Variants in LINGO2 observed in about 807,000 individuals in gnomAD.
LINGO2 encodes leucine rich repeat and Ig domain containing 2, also known as leucine-rich repeat and immunoglobulin-like domain-containing nogo receptor-interacting protein 2.
In LINGO2, 14 loss-of-function variants were observed where a neutral mutation model predicts 30.6. That is an observed-to-expected ratio of 0.46 (90% CI 0.30 to 0.72). The LOEUF is 0.72. Among genes scored for constraint, LINGO2 ranks in the 30% least tolerant of loss-of-function variants. LINGO2 has a pLI of 0.07. For synonymous variants in LINGO2, 317 were observed against 288.5 expected, an observed-to-expected ratio of 1.10 and a Z score of -1.00; for missense variants, 729 against 751.7, an observed-to-expected ratio of 0.97 and a Z score of 0.35.
intron 3 of LINGO2, among the ~76,000 whole-genome samples, chr9:28,330,283 C>A (rs996768914): frequency 6.6e-6 from 1 of 152,118 alleles, no homozygotes; most frequent in Non-Finnish European, 1.5e-5. Context: ...AAATAAATTT[C>A]TGTTGTTTAA....
At chr9:28,639,622 A>G (rs1365771904) in intron 1 of LINGO2, among the ~76,000 whole-genome samples, 1 of 152,048 alleles carries the variant, frequency 6.6e-6, no homozygotes, top group Non-Finnish European at 1.5e-5. Context: ...AGTCTGTTTT[A>G]TCAGAGACTA....
intron 4 of LINGO2, among the ~76,000 whole-genome samples, chr9:28,256,551 A>T (rs1822390094): frequency 6.6e-6 from 1 of 152,006 alleles, no homozygotes; most frequent in South Asian, 2.1e-4. Flanking sequence ...GTGCCATGAA[A>T]AAAATGAAGA....
chr9:29,165,575 C>T, the LINGO2 span, among the ~76,000 whole-genome samples: 4 of 151,802 alleles, frequency 2.6e-5, no homozygotes, highest in Non-Finnish European at 5.9e-5. Context: ...CTAAACAGTC[C>T]TAAGCACTCA....
chr9:28,764,096 C>T, the LINGO2 span, among the ~76,000 whole-genome samples: 3 of 150,802 alleles, frequency 2.0e-5, no homozygotes, highest in Non-Finnish European at 3.0e-5. Context: ...TACCAAAAAT[C>T]GGAAGAAGAT....
At chr9:28,993,215 C>A in the LINGO2 span, among the ~76,000 whole-genome samples, 2 of 151,836 alleles carry the variant, frequency 1.3e-5, no homozygotes, top group African/African-American at 2.4e-5. Flanking sequence ...ATACAAACTA[C>A]CATCAGAGAA....
In LINGO2 at chr9:28,327,859, G is replaced by A. The variant is rs574530988; in HGVS notation, c.-245-32493C>T. Among the ~76,000 whole-genome samples, 105 of 152,136 alleles carry A rather than the reference G, an allele frequency of 6.9e-4. 1 individual carries two copies. Among genetic ancestry groups the A allele is most frequent in the African/African-American group, 2.5e-3 (103 of 41,484 alleles). Reference sequence around the variant, plus strand: ...AATATTCTATCATTAAACGTCTAGTGTAATGTGATCAACAGAAACAAAGAA... The same window carrying A: ...AATATTCTATCATTAAACGTCTAGTATAATGTGATCAACAGAAACAAAGAA... On this transcript the variant is annotated intron_variant, in intron 3 of 5. Coordinates refer to ENST00000379992, the Ensembl canonical transcript of LINGO2.
At chr9:28,970,913 A>T in the LINGO2 span, among the ~76,000 whole-genome samples, 1 of 152,184 alleles carries the variant, frequency 6.6e-6, no homozygotes, top group Admixed American at 6.5e-5. Flanking sequence ...CAGTTAAGGA[A>T]GTACTGGCAT....
At chr9:28,455,900 C>T (rs1438465913) in intron 2 of LINGO2, among the ~76,000 whole-genome samples, 1 of 152,112 alleles carries the variant, frequency 6.6e-6, no homozygotes, top group Admixed American at 6.6e-5. Context: ...TACTCTCTGA[C>T]CATGATGCCC....
intron 4 of LINGO2, among the ~76,000 whole-genome samples, chr9:28,050,053 A>C (rs992392891): frequency 2.0e-5 from 3 of 150,772 alleles, no homozygotes; most frequent in Non-Finnish European, 4.4e-5. Context: ...GGTTGGAGAA[A>C]TATTCATCAG....
intron 2 of LINGO2, among the ~76,000 whole-genome samples, chr9:28,435,784 G>A (rs1053758966): frequency 6.6e-6 from 1 of 152,178 alleles, no homozygotes; most frequent in Non-Finnish European, 1.5e-5. Context: ...ATGTGAGACT[G>A]CAGTTATTAT....
rs564744354 is a variant in LINGO2, at chr9:28,404,533, A to G, written c.-278-31665T>C. Among the ~76,000 whole-genome samples the G allele has an allele frequency of 2.6e-5, 4 of 152,330 alleles. No homozygotes were observed. In the East Asian group the frequency reaches 7.7e-4, roughly 29 times the overall value. On this transcript the variant is annotated intron_variant, in intron 2 of 5. Transcript: ENST00000379992. ...AATGTACCATAAAATGTATGTGATT[A>G]TATTCAAAAGAAAAAATATATATGA...
chr9:29,092,696 G>T, the LINGO2 span, among the ~76,000 whole-genome samples: 5 of 137,200 alleles, frequency 3.6e-5, 1 homozygote, highest in Admixed American at 7.5e-5. Context: ...TGCCAACAGA[G>T]CATTTCTGTT....
chr9:28,472,124 G>T (rs377668316), intron 2 of LINGO2, among the ~76,000 whole-genome samples: 57 of 152,126 alleles, frequency 3.7e-4, no homozygotes, highest in African/African-American at 1.3e-3. Flanking sequence ...AATTTGAGTG[G>T]TATTACACAG....
intron 3 of LINGO2, among the ~76,000 whole-genome samples, chr9:28,358,828 A>G (rs374110964): frequency 2.2e-4 from 33 of 152,260 alleles, no homozygotes; most frequent in East Asian, 1.7e-3. Context: ...CTTAGTAGAC[A>G]ACTGCTGGAG....
At chr9:28,100,113 G>T (rs1310931576) in intron 4 of LINGO2, among the ~76,000 whole-genome samples, 3 of 152,064 alleles carry the variant, frequency 2.0e-5, no homozygotes, top group Non-Finnish European at 4.4e-5. Flanking sequence ...AAGCTCTGGG[G>T]GCAAACATTG....
intron 5 of LINGO2, among the ~76,000 whole-genome samples, chr9:27,957,578 C>A (rs544937215): frequency 6.6e-6 from 1 of 152,172 alleles, no homozygotes; most frequent in African/African-American, 2.4e-5. Flanking sequence ...CAGGCGTGAG[C>A]CACCGCACCC....
At chr9:28,801,960 T>A in the LINGO2 span, among the ~76,000 whole-genome samples, 1 of 152,020 alleles carries the variant, frequency 6.6e-6, no homozygotes, top group Non-Finnish European at 1.5e-5. Flanking sequence ...AGAAACACTG[T>A]CAAATTAAAT....
chr9:28,035,706 A>G (rs78880792), intron 4 of LINGO2, among the ~76,000 whole-genome samples: 3,156 of 152,304 alleles, frequency 0.021, 111 homozygotes, highest in African/African-American at 0.071. Context: ...TTGAAGTGAA[A>G]TACATCTTTT....
the LINGO2 span, among the ~76,000 whole-genome samples, chr9:29,168,722 A>C: frequency 7.2e-5 from 11 of 152,184 alleles, no homozygotes; most frequent in Non-Finnish European, 1.5e-4. Flanking sequence ...CAGAAAGGTG[A>C]AAAGAAAGTG....
Sources: allele counts gnomAD v4.1 joint callset (sites outside exome capture counted in the v4.1 genomes callset), GRCh38; gene constraint gnomAD v4.1.1; transcripts MANE v1.5; gene names NCBI Gene and HGNC (gene_info 2026-07-23, HGNC 2026-07-21).